The following CRYBG2 variants were observed in gnomAD, a reference collection of about 807,000 sequenced individuals.
CRYBG2 encodes crystallin beta-gamma domain containing 2.
CRYBG2 carries 106 observed loss-of-function variants against 153.4 expected under a neutral mutation model. The observed-to-expected ratio is 0.69, with a 90% CI of 0.59 to 0.81. CRYBG2 has a LOEUF of 0.81. CRYBG2 is among the 30% of genes least tolerant of loss of function. The pLI is 0.00. For missense variants in CRYBG2, 1,996 were observed against 2,112.0 expected (o/e 0.95, Z 1.08); for synonymous variants, 851 against 877.8 (o/e 0.97, Z 0.54).
In CRYBG2 at chr1:26,335,891, G is replaced by A. The variant is rs75677968; in HGVS notation, c.4184+204C>T. 6.1e-3 allele frequency among the ~76,000 whole-genome samples: 931 copies of A among 152,296 alleles called. 9 individuals are homozygous for A. Among genetic ancestry groups the A allele is most frequent in the African/African-American group, 0.021 (877 of 41,556 alleles). On this transcript the variant is annotated intron_variant, in intron 14 of 19. Transcript: ENST00000308182. ...CACCGAAAATTTAAAAGAGCACACGGATAGAGGAAACAAGATTTATCTTTA... is the reference window on the plus strand; with the variant it reads ...CACCGAAAATTTAAAAGAGCACACGAATAGAGGAAACAAGATTTATCTTTA...
At position 26,321,976 on chromosome 1, in the gene CRYBG2, C is replaced by A; in HGVS notation, c.4978G>T (p.Val1660Leu). 1 of 1,581,976 alleles carries A rather than the reference C, an allele frequency of 6.3e-7. No individual in the cohort carries two copies. Among genetic ancestry groups the A allele is most frequent in the South Asian group, 1.1e-5 (1 of 89,434 alleles). The change falls in exon 20 of 20, where the codon GTG becomes TTG. Residue 1660 changes from valine (V) to leucine (L), a missense_variant. By Grantham distance (32) the Val-to-Leu change is conservative. Transcript: ENST00000308182. Reference sequence around the variant, plus strand: ...GGGTGAGGGGAAAAGTTTCAAAGCACGTGGATAGTCCAGATCTGGGATGCC... The same window carrying A: ...GGGTGAGGGGAAAAGTTTCAAAGCAAGTGGATAGTCCAGATCTGGGATGCC... ...DRASQIWTIH[V>L]L
At chr1:26,340,896 C>T (rs1466050549) in intron 5 of CRYBG2, among the ~76,000 whole-genome samples, 1 of 151,166 alleles carries the variant, frequency 6.6e-6, no homozygotes. Flanking sequence ...GGATTACAGG[C>T]GTGAGCCACC....
In CRYBG2 at chr1:26,325,276, G is replaced by A. The variant is rs968304541; in HGVS notation, c.4579-966C>T. Among the ~76,000 whole-genome samples, 3 of 152,192 alleles carry A rather than the reference G, an allele frequency of 2.0e-5. No homozygotes were observed. Among genetic ancestry groups the A allele is most frequent in the Admixed American group, 6.5e-5 (1 of 15,278 alleles). On this transcript the variant is annotated intron_variant, in intron 17 of 19. Coordinates refer to ENST00000308182, the MANE Select transcript of CRYBG2 (RefSeq NM_001039775.4). This position sits in a 1 kb window ranked among gnomAD's most constrained non-coding sequence, Gnocchi z 4.1. ...CATGCGCAGTCATAAATGCAATCCC[G>A]GCCGGGCGCGGAGGCTCACGCCTGT...
chr1:26,345,698 G>C lies in CRYBG2; in HGVS notation c.960C>G (p.Ala320=), dbSNP rs950360803. The change falls in exon 2 of 20, where the codon GCC becomes GCG. Residue 320 remains alanine, a synonymous_variant. Transcript: ENST00000308182. ...AACPDRDQGR[A]PDARACELWQ... is the part of the protein sequence containing the mutation. ...AGAGCTCACAGGCCCTGGCATCCGGGGCTCTGCCCTGGTCTCTGTCCGGAC... is the reference window on the plus strand; with the variant it reads ...AGAGCTCACAGGCCCTGGCATCCGGCGCTCTGCCCTGGTCTCTGTCCGGAC... 1.3e-6 allele frequency: 2 copies of C among 1,598,154 alleles called. No individual in the cohort carries two copies. The highest frequency in any genetic ancestry group is 1.1e-5 in the South Asian group (1 of 91,000).
rs1174821818 is a variant in CRYBG2 at position 26,336,611 on chromosome 1, G to A, written c.4033C>T (p.Leu1345=). ...CCCCCGCGGCCGGCACGCACCTGTA[G>A]GACCGGCTGCAGCGAGGCGAGGGTG... ...NSTLASLQPV[L]QVGEHDLHFV... is the part of the protein sequence containing the mutation. Residue 1345 remains leucine (L), a synonymous_variant, in exon 12 of 20, where the codon CTA becomes TTA. Coordinates refer to ENST00000308182, the MANE Select transcript of CRYBG2 (RefSeq NM_001039775.4). This position sits in a 1 kb window ranked among gnomAD's most constrained non-coding sequence, Gnocchi z 4.9. 15 of 1,549,908 alleles carry A rather than the reference G, an allele frequency of 9.7e-6. No homozygotes were observed. The highest frequency in any genetic ancestry group is 1.3e-5 in the Non-Finnish European group (15 of 1,146,642).
chr1:26,344,240 G>T lies in CRYBG2; in HGVS notation c.2418C>A (p.Asp806Glu), dbSNP rs1312975506. 12 of 1,534,902 alleles carry T rather than the reference G, an allele frequency of 7.8e-6. No individual in the cohort carries two copies. Among genetic ancestry groups the T allele is most frequent in the Non-Finnish European group, 1.0e-5 (12 of 1,146,002 alleles). The change falls in exon 2 of 20, where the codon GAC (aspartate) becomes GAA (glutamate). Residue 806 changes from aspartate to glutamate, a missense_variant. Physicochemically the swap from Asp to Glu is conservative, Grantham distance 45 (BLOSUM62 2). Coordinates refer to ENST00000308182, the MANE Select transcript of CRYBG2 (RefSeq NM_001039775.4). The part of the protein sequence containing the change: ...MYATLPAIEE[D>E]QLGPWVLGPG... ...GGCCCAGCACCCATGGCCCCAGCTG[G>T]TCCTCCTCAATGGCAGGCAGCGTGG...
intron 5 of CRYBG2, among the ~76,000 whole-genome samples, chr1:26,341,000 G>C (rs953076031): frequency 6.6e-6 from 1 of 151,898 alleles, no homozygotes; most frequent in Non-Finnish European, 1.5e-5. Context: ...CTCCTACCAG[G>C]AAGATTGCAA....
In CRYBG2 at chr1:26,340,101, C is replaced by T. The variant is rs544911632; in HGVS notation, c.3205-672G>A. Among the ~76,000 whole-genome samples, 18 of 152,322 alleles carry T rather than the reference C, an allele frequency of 1.2e-4. No individual in the cohort carries two copies. In the East Asian group the frequency reaches 2.7e-3, roughly 23 times the overall value. On this transcript the variant is annotated intron_variant, in intron 5 of 19. Coordinates refer to ENST00000308182, the MANE Select transcript of CRYBG2 (RefSeq NM_001039775.4). ...CCAACTTTGACTCCTTCTTTAGGTA[C>T]GGTTCCTGCCTCTGTCCAGACTGGC...
intron 7 of CRYBG2, 74 bp from the exon 8 acceptor site, chr1:26,338,121 C>T: frequency 6.4e-7 from 1 of 1,567,460 alleles, no homozygotes; most frequent in Non-Finnish European, 8.7e-7. Flanking sequence ...CTAGGATTTT[C>T]CTGATCCTGA....
rs2074196645 is a variant in CRYBG2, at chr1:26,345,219, A to T, written c.1439T>A (p.Val480Glu). The T allele has an allele frequency of 6.8e-7, 1 of 1,475,508 alleles. No individual in the cohort carries two copies. The highest frequency in any genetic ancestry group is 1.9e-5 in the Admixed American group (1 of 52,226). 91.4% of individuals were successfully genotyped at this position (1,475,508 alleles called of 1,614,324 possible). Residue 480 changes from valine (V) to glutamate (E), a missense_variant, in exon 2 of 20, where the codon GTG becomes GAG. Transcript: ENST00000308182. The stretch of plus-strand genomic sequence containing the variant: ...AGCAGAAGCACTGGACCCCTGCACC[A>T]CCTCCTTCCGGGTGGGAGATGAGGC... ...PAASSPTRKEVVQGSSASAAS... is the reference protein window; with the variant it reads ...PAASSPTRKEEVQGSSASAAS...
At position 26,343,812 on chromosome 1, in the gene CRYBG2, G is replaced by A; in HGVS notation, c.2846C>T (p.Pro949Leu). 6.9e-7 allele frequency: 1 copy of A among 1,454,720 alleles called. No homozygotes were observed. The highest frequency in any genetic ancestry group is 9.1e-7 in the Non-Finnish European group (1 of 1,100,730). 90.1% of individuals were successfully genotyped at this position (1,454,720 alleles called of 1,614,324 possible). A position where few individuals can be genotyped will look rare whatever the true frequency, so the allele number is the denominator to read the frequency against. Residue 949 changes from proline (P) to leucine (L), a missense_variant, in exon 2 of 20, where the codon CCC becomes CTC. Coordinates refer to ENST00000308182, the MANE Select transcript of CRYBG2 (RefSeq NM_001039775.4). This position sits in a 1 kb window ranked among gnomAD's most constrained non-coding sequence, Gnocchi z 4.1. ...PGLRKVPGQL[P>L]LLCSERSSPT... The stretch of plus-strand genomic sequence containing the variant: ...GGATGATCTTTCACTGCAAAGCAGG[G>A]GCAACTGTCCTGGCACCTTCCTGAG...
Position 26,323,141 on chromosome 1 carries a change from T to C in CRYBG2, c.4738-818A>G, listed in dbSNP as rs192256638. ...TGTTGCCCAGGCTGGTGTGCAGTGG[T>C]GTGATCATAGCTTACCGCAGCCTCA... On this transcript the variant is annotated intron_variant, in intron 18 of 19. Transcript: ENST00000308182. 1.5e-4 allele frequency among the ~76,000 whole-genome samples: 22 copies of C among 151,252 alleles called. No individual in the cohort carries two copies. The East Asian group carries it at 4.3e-3, about 29-fold the overall frequency.
Position 26,336,874 on chromosome 1 carries a change from G to A in CRYBG2, c.3878C>T (p.Pro1293Leu). 1 of 1,607,568 alleles carries A rather than the reference G, an allele frequency of 6.2e-7. No homozygotes were observed. The highest frequency in any genetic ancestry group is 1.1e-5 in the South Asian group (1 of 89,842). Residue 1293 changes from proline (P) to leucine (L), a missense_variant, in exon 11 of 20, where the codon CCC becomes CTC. Transcript: ENST00000308182. The surrounding 1 kb of genome is among the most constrained non-coding windows in gnomAD (Gnocchi z 4.9). ...LPDVELVQHG[P>L]STQAIHVLSG... ...GAGCACGTGGATGGCCTGTGTGCTG[G>A]GGCCGTGTTGCACCAGCTCCACATC...
Position 26,343,176 on chromosome 1 carries a change from G to A in CRYBG2, c.2962-17C>T, listed in dbSNP as rs754219435. On this transcript the variant is annotated splice_polypyrimidine_tract_variant and intron_variant, in intron 3 of 19. Transcript: ENST00000308182. This position sits in a 1 kb window ranked among gnomAD's most constrained non-coding sequence, Gnocchi z 4.1. ...GAAGATCACCTGAGAAGGCACAGAA[G>A]GGGTCCTCAGGCCCTGACCCCAGGC... is the stretch of plus-strand genomic sequence containing the variant. The A allele has an allele frequency of 1.3e-6, 2 of 1,550,592 alleles. No homozygotes were observed. Among genetic ancestry groups the A allele is most frequent in the South Asian group, 2.4e-5 (2 of 84,070 alleles).
chr1:26,345,855 C>T lies in CRYBG2; in HGVS notation c.803G>A (p.Ser268Asn). 6.3e-7 allele frequency: 1 copy of T among 1,596,858 alleles called. No homozygotes were observed. Among genetic ancestry groups the T allele is most frequent in the Non-Finnish European group, 8.5e-7 (1 of 1,179,304 alleles). Residue 268 changes from serine to asparagine, a missense_variant, in exon 2 of 20, where the codon AGC (serine) becomes AAC (asparagine). Ser to Asn is a conservative substitution (Grantham distance 46). Transcript: ENST00000308182. ...AGGPRSTGLG[S>N]TVGAALRQLP... ...CTGCCTCAAGGCTGCCCCCACTGTG[C>T]TGCCCAGACCTGTGCTCCTTGGCCC...
Position 26,343,225 on chromosome 1 carries a change from C to A in CRYBG2, c.2961+21G>T, listed in dbSNP as rs1259837868. On this transcript the variant is annotated intron_variant, in intron 3 of 19. Transcript: ENST00000308182. This position sits in a 1 kb window ranked among gnomAD's most constrained non-coding sequence, Gnocchi z 4.1. Reference sequence around the variant, plus strand: ...GCCCCTGCATCCTGCTGCCCCCACCCACTTGCCCCCACAACCCTACCTTTC... The same window carrying A: ...GCCCCTGCATCCTGCTGCCCCCACCAACTTGCCCCCACAACCCTACCTTTC... 6.4e-7 allele frequency: 1 copy of A among 1,550,612 alleles called. No homozygotes were observed. The highest frequency in any genetic ancestry group is 2.4e-5 in the East Asian group (1 of 40,920).
chr1:26,322,252 C>T lies in CRYBG2; in HGVS notation c.4809G>A (p.Glu1603=), dbSNP rs555616952. ...TCCACGTCTGGCGCGGCAGGCGGCT[C>T]TCGGCCCACAGCACCACCTTGGAGC... ...SPGSKVVLWA[E]SRLPRQTWSI... Residue 1603 remains glutamate (E), a synonymous_variant, in exon 19 of 20, where the codon GAG becomes GAA. Coordinates refer to ENST00000308182, the MANE Select transcript of CRYBG2 (RefSeq NM_001039775.4). 1 of 1,613,976 alleles carries T rather than the reference C, an allele frequency of 6.2e-7. No individual in the cohort carries two copies. Among genetic ancestry groups the T allele is most frequent in the Non-Finnish European group, 8.5e-7 (1 of 1,180,042 alleles).
At position 26,339,359 on chromosome 1, in the gene CRYBG2, T is replaced by C. The variant is rs1298757897; in HGVS notation, c.3275A>G (p.Glu1092Gly). ...GLKGEQVKLTEALKNSQGLEK... is the reference protein window; with the variant it reads ...GLKGEQVKLTGALKNSQGLEK... ...CAGACCCTGGGAATTCTTCAAGGCC[T>C]CTGTTAGCTTCACTTGCTCCCCCTT... Residue 1092 changes from glutamate to glycine, a missense_variant, in exon 6 of 20, where the codon GAG becomes GGG. Physicochemically the swap from Glu to Gly is moderately conservative, Grantham distance 98 (BLOSUM62 -2). Transcript: ENST00000308182. The C allele has an allele frequency of 6.2e-7, 1 of 1,614,224 alleles. No individual in the cohort carries two copies. Among genetic ancestry groups the C allele is most frequent in the Non-Finnish European group, 8.5e-7 (1 of 1,180,036 alleles).
intron 5 of CRYBG2, 42 bp from the exon 6 acceptor site, chr1:26,339,471 G>A (rs1456587008): frequency 5.6e-6 from 9 of 1,608,020 alleles, no homozygotes; most frequent in Non-Finnish European, 7.6e-6. Flanking sequence ...TAAACAGCCA[G>A]GCGTGGTGGC....
Sources: gnomAD v4.1 joint callset for allele counts (sites outside exome capture counted in the v4.1 genomes callset) on GRCh38, gnomAD v4.1.1 for gene constraint, Gnocchi (gnomAD v3.1) non-coding constraint, MANE v1.5 for transcripts, NCBI Gene and HGNC (gene_info 2026-07-23, HGNC 2026-07-21) for gene names.